Variants in IGSF10 observed in about 807,000 individuals in gnomAD.
The protein encoded by IGSF10 is immunoglobulin superfamily member 10.
In IGSF10, 126 loss-of-function variants were observed where a neutral mutation model predicts 128.2. The ratio of observed to expected loss-of-function variants is 0.98; its 90% confidence interval spans 0.85 to 1.14. The LOEUF (loss-of-function observed/expected upper bound fraction) is 1.14. Ranked by LOEUF, IGSF10 falls within the 50% of genes most tolerant of loss-of-function variation. The pLI is 0.00. For missense variants in IGSF10, 3,295 were observed against 3,149.8 expected, an observed-to-expected ratio of 1.05 and a Z score of -1.10; for synonymous variants, 1,185 against 1,146.2, an observed-to-expected ratio of 1.03 and a Z score of -0.68.
At chr3:151,512,550 G>A in the IGSF10 span, among the ~76,000 whole-genome samples, 10 of 152,068 alleles carry the variant, frequency 6.6e-5, no homozygotes, top group Non-Finnish European at 1.3e-4. Flanking sequence ...ACAATTAAAA[G>A]AACTAGAGAA....
At chr3:151,590,816 A>G in the IGSF10 span, among the ~76,000 whole-genome samples, 1 of 152,252 alleles carries the variant, frequency 6.6e-6, no homozygotes, top group Non-Finnish European at 1.5e-5. Context: ...TAACGTTTTC[A>G]TATAAAGAAG....
downstream of IGSF10, chr3:151,436,157 T>G (rs1005919618): frequency 6.6e-6 from 1 of 152,244 alleles, no homozygotes; most frequent in Non-Finnish European, 1.5e-5. Flanking sequence ...TCAATGAAAA[T>G]TTTCAGTGTG....
the IGSF10 span, among the ~76,000 whole-genome samples, chr3:151,525,928 CA>C: frequency 6.6e-6 from 1 of 152,132 alleles, no homozygotes; most frequent in East Asian, 1.9e-4. Context: ...TCATCATAGT[CA>C]ATTCTCACCC....
chr3:151,609,383 C>T, the IGSF10 span, among the ~76,000 whole-genome samples: 3 of 152,200 alleles, frequency 2.0e-5, no homozygotes, highest in South Asian at 2.1e-4. Context: ...GTAAGTTACC[C>T]GATCTTCTGT....
chr3:151,547,195 C>A, the IGSF10 span, among the ~76,000 whole-genome samples: 6 of 152,096 alleles, frequency 3.9e-5, no homozygotes. Context: ...CACAACCACA[C>A]CGTCCCACAC....
chr3:151,618,587 G>A, the IGSF10 span, among the ~76,000 whole-genome samples: 107 of 151,664 alleles, frequency 7.1e-4, no homozygotes, highest in African/African-American at 2.3e-3. Context: ...AAAATTAGCC[G>A]GGCGTGGTGG....
At chr3:151,570,657 G>A in the IGSF10 span, among the ~76,000 whole-genome samples, 1 of 152,172 alleles carries the variant, frequency 6.6e-6, no homozygotes, top group South Asian at 2.1e-4. Context: ...TGAGTAGATT[G>A]CAAAAATTTT....
At chr3:151,505,173 A>G in the IGSF10 span, among the ~76,000 whole-genome samples, 31 of 152,198 alleles carry the variant, frequency 2.0e-4, no homozygotes, top group African/African-American at 6.8e-4. Context: ...GGTAATTTAT[A>G]AAGAAAAGAG....
chr3:151,547,098 A>G, the IGSF10 span, among the ~76,000 whole-genome samples: 2 of 152,084 alleles, frequency 1.3e-5, no homozygotes, highest in Admixed American at 1.3e-4. Context: ...TCTAAATAAT[A>G]TGTTTATATT....
the IGSF10 span, among the ~76,000 whole-genome samples, chr3:151,571,215 C>G: frequency 6.6e-6 from 1 of 152,142 alleles, no homozygotes; most frequent in South Asian, 2.1e-4. Context: ...GCAATGAAGG[C>G]TCTTTTTTGG....
the IGSF10 span, among the ~76,000 whole-genome samples, chr3:151,467,579 C>A: frequency 2.0e-5 from 3 of 152,074 alleles, no homozygotes; most frequent in South Asian, 6.3e-4. Context: ...TGAGAAGGAC[C>A]AAAAGTAGCT....
the IGSF10 span, among the ~76,000 whole-genome samples, chr3:151,534,941 C>A: frequency 6.6e-6 from 1 of 151,848 alleles, no homozygotes; most frequent in South Asian, 2.1e-4. Flanking sequence ...TAGTTACAAG[C>A]ATACACGAAC....
chr3:151,503,644 T>C, the IGSF10 span, among the ~76,000 whole-genome samples: 2 of 152,172 alleles, frequency 1.3e-5, no homozygotes, highest in African/African-American at 4.8e-5. Flanking sequence ...CCTTTCCCAC[T>C]GCTCAGATAC....
the IGSF10 span, among the ~76,000 whole-genome samples, chr3:151,517,969 C>T: frequency 6.6e-6 from 1 of 151,908 alleles, no homozygotes; most frequent in Admixed American, 6.6e-5. Flanking sequence ...CTGTTATTTC[C>T]TAGTGGGTTT....
Position 151,437,602 on chromosome 3 carries a change from C to CCA in IGSF10, c.6957_6958dup (p.Gly2320ValfsTer7). On this transcript the variant is annotated frameshift_variant, in exon 8 of 8. Transcript: ENST00000282466. LOFTEE classifies it low-confidence loss of function (END_TRUNC). Reference sequence around the variant, plus strand: ...TAACTGTACTACCAACACGCTCTCTCCACCTTCATTTCGGGCCACACAGAT... The same window carrying CCA: ...TAACTGTACTACCAACACGCTCTCTCCACACCTTCATTTCGGGCCACACAGAT... 6.2e-7 allele frequency: 1 copy of CCA among 1,614,198 alleles called. No homozygotes were observed. The highest frequency in any genetic ancestry group is 1.1e-5 in the South Asian group (1 of 91,092).
the IGSF10 span, among the ~76,000 whole-genome samples, chr3:151,563,165 G>A: frequency 6.6e-6 from 1 of 152,020 alleles, no homozygotes; most frequent in Non-Finnish European, 1.5e-5. Context: ...GCTCTCAGGT[G>A]TGTCTGCCAT....
chr3:151,520,982 C>A, the IGSF10 span, among the ~76,000 whole-genome samples: 1 of 151,524 alleles, frequency 6.6e-6, no homozygotes, highest in East Asian at 1.9e-4. Context: ...CTTTAAGTGA[C>A]CCATCTCACA....
At chr3:151,567,389 T>C in the IGSF10 span, among the ~76,000 whole-genome samples, 1 of 152,224 alleles carries the variant, frequency 6.6e-6, no homozygotes, top group Admixed American at 6.5e-5. Flanking sequence ...AAACCAGGAC[T>C]GTAGAAATTC....
the IGSF10 span, among the ~76,000 whole-genome samples, chr3:151,619,321 T>G: frequency 6.6e-6 from 1 of 152,088 alleles, no homozygotes; most frequent in Non-Finnish European, 1.5e-5. Context: ...TAAATATGAA[T>G]GTAAAGTTTT....
Sources: allele counts gnomAD v4.1 joint callset (sites outside exome capture counted in the v4.1 genomes callset), GRCh38; gene constraint gnomAD v4.1.1; transcripts MANE v1.5; gene names NCBI Gene and HGNC (gene_info 2026-07-23, HGNC 2026-07-21).